The following PRKG1 variants were observed in gnomAD, a reference collection of about 807,000 sequenced individuals.
PRKG1 encodes protein kinase cGMP-dependent 1.
A neutral mutation model predicts 88.1 loss-of-function variants in PRKG1; 35 were observed. The observed-to-expected ratio is 0.40, with a 90% CI of 0.30 to 0.53. The LOEUF (loss-of-function observed/expected upper bound fraction) is 0.53, where lower values mean the gene tolerates loss of function less well. Ranked by LOEUF, PRKG1 falls within the 20% of genes least tolerant of loss-of-function variation. PRKG1 has a pLI of 0.59. For synonymous variants in PRKG1, 303 were observed against 292.5 expected, an observed-to-expected ratio of 1.04 and a Z score of -0.37; for missense variants, 540 against 839.8, an observed-to-expected ratio of 0.64 and a Z score of 4.41.
chr10:51,086,522 C>T, intron 1 of PRKG1, among the ~76,000 whole-genome samples: 1 of 152,104 alleles, frequency 6.6e-6, no homozygotes, highest in South Asian at 2.1e-4. Flanking sequence ...ATTATAATAA[C>T]TTTTTTCCAA....
intron 3 of PRKG1, among the ~76,000 whole-genome samples, chr10:51,592,106 A>G (rs1275584339): frequency 1.3e-5 from 2 of 152,234 alleles, no homozygotes; most frequent in East Asian, 1.9e-4. Context: ...GCTCTGGGGA[A>G]AGAACTCAAA....
chr10:51,746,449 C>T (rs185185191), intron 3 of PRKG1, among the ~76,000 whole-genome samples: 21 of 152,112 alleles, frequency 1.4e-4, no homozygotes, highest in Admixed American at 3.9e-4. Flanking sequence ...CATCTGGGCA[C>T]GGTAGCTCAG....
intron 3 of PRKG1, among the ~76,000 whole-genome samples, chr10:51,560,940 T>A (rs775461116): frequency 2.0e-4 from 31 of 151,866 alleles, no homozygotes; most frequent in Non-Finnish European, 4.3e-4. Flanking sequence ...CAAGAAACAT[T>A]GTGTGCTTAG....
chr10:51,235,580 C>A (rs1564649361), intron 2 of PRKG1, among the ~76,000 whole-genome samples: 1 of 152,140 alleles, frequency 6.6e-6, no homozygotes, highest in South Asian at 2.1e-4. Context: ...CTCCACAAGA[C>A]CTCTTCCAAA....
At chr10:51,699,215 T>A (rs755278260) in intron 3 of PRKG1, 2 of 1,614,034 alleles carry the variant, frequency 1.2e-6, no homozygotes, top group South Asian at 2.2e-5. Flanking sequence ...ATAGGGTGAG[T>A]CAATAATGGG....
At chr10:51,997,929 G>A (rs1008104487) in intron 5 of PRKG1, among the ~76,000 whole-genome samples, 3 of 151,272 alleles carry the variant, frequency 2.0e-5, no homozygotes, top group Non-Finnish European at 2.9e-5. Flanking sequence ...CCAATAAAAC[G>A]TTGAATAGAG....
At chr10:50,992,525 T>C (rs1842793366) in intron 1 of PRKG1, among the ~76,000 whole-genome samples, 1 of 152,064 alleles carries the variant, frequency 6.6e-6, no homozygotes, top group Non-Finnish European at 1.5e-5. Context: ...CTGGAAAAGT[T>C]GGGATGAAGA....
intron 12 of PRKG1, among the ~76,000 whole-genome samples, chr10:52,274,071 T>G (rs185079064): frequency 2.0e-4 from 31 of 152,222 alleles, no homozygotes; most frequent in Non-Finnish European, 4.0e-4. Context: ...GAATTAAACA[T>G]GAAAGCAATA....
chr10:51,798,877 A>G lies in PRKG1; in HGVS notation c.593-5708A>G, dbSNP rs548569442. Reference sequence around the variant, plus strand: ...AATACAGTGCTGTCTGCACTTTTGAATAATATGAATGCAGCATTCATTATT... The same window carrying G: ...AATACAGTGCTGTCTGCACTTTTGAGTAATATGAATGCAGCATTCATTATT... On this transcript the variant is annotated intron_variant, in intron 3 of 17. Coordinates refer to ENST00000373980, the MANE Select transcript of PRKG1 (RefSeq NM_006258.4). 2.6e-5 allele frequency among the ~76,000 whole-genome samples: 4 copies of G among 152,236 alleles called. No homozygotes were observed. In the East Asian group the frequency reaches 7.7e-4, roughly 29 times the overall value.
At chr10:51,014,764 T>C (rs1365093745) in intron 1 of PRKG1, among the ~76,000 whole-genome samples, 4 of 152,210 alleles carry the variant, frequency 2.6e-5, no homozygotes, top group African/African-American at 9.6e-5. Context: ...TATGTGTCAA[T>C]TAAATTTTTT....
chr10:51,219,896 T>C (rs1197444235), intron 2 of PRKG1, among the ~76,000 whole-genome samples: 1 of 152,040 alleles, frequency 6.6e-6, no homozygotes, highest in East Asian at 1.9e-4. Flanking sequence ...CCCCCAAGAT[T>C]CCACGTGTCC....
intron 3 of PRKG1, among the ~76,000 whole-genome samples, chr10:51,582,797 C>T (rs935939029): frequency 6.6e-6 from 1 of 151,958 alleles, no homozygotes; most frequent in African/African-American, 2.4e-5. Flanking sequence ...ACAGAGAAAC[C>T]GTCATGGGTA....
chr10:51,974,728 T>G (rs1434023043), intron 5 of PRKG1, among the ~76,000 whole-genome samples: 1 of 152,182 alleles, frequency 6.6e-6, no homozygotes, highest in East Asian at 1.9e-4. Flanking sequence ...CGCATTTGCA[T>G]AATGCATATC....
In PRKG1 at chr10:50,991,805, TA is replaced by T. The variant is rs1450101669; in HGVS notation, c.266+162del. Among the ~76,000 whole-genome samples the T allele has an allele frequency of 3.2e-4, 49 of 151,878 alleles. No homozygotes were observed. Among genetic ancestry groups the T allele is most frequent in the Admixed American group, 3.2e-3 (49 of 15,252 alleles). ...CCGCGGCCCGGGAATGGGAAGTGTT[TA>T]TTTTTATTTCTGCCCATCACGTGCT... On this transcript the variant is annotated intron_variant, in intron 1 of 17. Coordinates refer to the PRKG1 transcript ENST00000401604. The surrounding 1 kb of genome is among the most constrained non-coding windows in gnomAD (Gnocchi z 4.5).
chr10:51,818,886 A>G (rs1264395679), intron 4 of PRKG1, among the ~76,000 whole-genome samples: 1 of 129,456 alleles, frequency 7.7e-6, no homozygotes, highest in Non-Finnish European at 1.5e-5. Flanking sequence ...GGGCGCCTGT[A>G]GTCCCAGCTA....
intron 2 of PRKG1, among the ~76,000 whole-genome samples, chr10:51,345,541 T>C (rs573067094): frequency 5.4e-4 from 82 of 152,058 alleles, no homozygotes; most frequent in Admixed American, 1.3e-3. Flanking sequence ...ACTAGGCTAC[T>C]TGAAAATGTT....
At chr10:51,102,395 A>G (rs1028559476) in intron 1 of PRKG1, among the ~76,000 whole-genome samples, 4 of 152,082 alleles carry the variant, frequency 2.6e-5, no homozygotes, top group African/African-American at 9.7e-5. Flanking sequence ...GCAAGACTGG[A>G]TATTTATTAC....
At chr10:51,494,908 CTAT>C (rs1455916469) in intron 3 of PRKG1, among the ~76,000 whole-genome samples, 3 of 152,058 alleles carry the variant, frequency 2.0e-5, no homozygotes, top group Admixed American at 2.0e-4. Flanking sequence ...TTATGGTTTG[CTAT>C]TATTCTTGAA....
At chr10:51,814,616 C>T (rs1046416832) in intron 4 of PRKG1, among the ~76,000 whole-genome samples, 3 of 152,102 alleles carry the variant, frequency 2.0e-5, no homozygotes, top group Admixed American at 1.3e-4. Flanking sequence ...GGCACTTTCT[C>T]ACCCCATTTT....
Sources: gnomAD v4.1 joint callset for allele counts (sites outside exome capture counted in the v4.1 genomes callset) on GRCh38, gnomAD v4.1.1 for gene constraint, Gnocchi (gnomAD v3.1) non-coding constraint, MANE v1.5 for transcripts, NCBI Gene and HGNC (gene_info 2026-07-23, HGNC 2026-07-21) for gene names.